Variants in PPP2R2C observed in about 807,000 individuals in gnomAD.
PPP2R2C encodes protein phosphatase 2, regulatory subunit B, gamma.
In PPP2R2C, 10 loss-of-function variants were observed where a neutral mutation model predicts 45.3. That is an observed-to-expected ratio of 0.22 (90% CI 0.14 to 0.37). The LOEUF (loss-of-function observed/expected upper bound fraction) is 0.37. PPP2R2C is among the 10% of genes least tolerant of loss of function. The pLI is 1.00. For missense variants in PPP2R2C, 308 were observed against 619.7 expected, an observed-to-expected ratio of 0.50 and a Z score of 5.34; for synonymous variants, 257 against 245.4, an observed-to-expected ratio of 1.05 and a Z score of -0.44.
chr4:6,390,882 A>C (rs931518463), intron 1 of PPP2R2C, among the ~76,000 whole-genome samples: 1 of 151,952 alleles, frequency 6.6e-6, no homozygotes, highest in African/African-American at 2.4e-5. Flanking sequence ...CCCACATTTC[A>C]TCACCACCCC....
chr4:6,459,073 T>C (rs768960777), intron 1 of PPP2R2C, among the ~76,000 whole-genome samples: 6 of 152,166 alleles, frequency 3.9e-5, no homozygotes, highest in Non-Finnish European at 8.8e-5. Context: ...AACAAAGCAC[T>C]TCAAAACTTA....
intron 1 of PPP2R2C, among the ~76,000 whole-genome samples, chr4:6,437,282 G>A (rs1272268994): frequency 6.6e-6 from 1 of 152,218 alleles, no homozygotes; most frequent in Non-Finnish European, 1.5e-5. Context: ...ACAAAGCTTG[G>A]TAAAGGGCTA....
chr4:6,494,989 T>G (rs1722829649), intron 2 of PPP2R2C, among the ~76,000 whole-genome samples: 1 of 152,196 alleles, frequency 6.6e-6, no homozygotes, highest in Admixed American at 6.5e-5. Context: ...CAGGGGAAGC[T>G]GTCCACGCAG....
chr4:6,524,662 G>T (rs569586550), intron 2 of PPP2R2C, among the ~76,000 whole-genome samples: 3 of 152,148 alleles, frequency 2.0e-5, no homozygotes, highest in African/African-American at 7.2e-5. Flanking sequence ...TGGTTGGGCC[G>T]AGCTTCACCT....
chr4:6,333,394 C>T (rs988135750), intron 7 of PPP2R2C, among the ~76,000 whole-genome samples, 168 bp downstream of exon 7: 6 of 152,266 alleles, frequency 3.9e-5, no homozygotes, highest in African/African-American at 1.4e-4. Context: ...CTCCTGCCCT[C>T]TGCCAAGCTA....
Position 6,472,285 on chromosome 4 carries a change from C to T in PPP2R2C, c.-56G>A, listed in dbSNP as rs1721942929. The T allele has an allele frequency of 2.5e-6, 4 of 1,603,522 alleles. No individual in the cohort carries two copies. The highest frequency in any genetic ancestry group is 3.4e-6 in the Non-Finnish European group (4 of 1,175,188). On this transcript the variant is annotated 5_prime_UTR_variant, in exon 1 of 9. Transcript: ENST00000382599. ...CCCGCCGCCACACACCGATGCAATCCGCAGAGGTCGCGCCGGGCGCGCGGG... is the reference window on the plus strand; with the variant it reads ...CCCGCCGCCACACACCGATGCAATCTGCAGAGGTCGCGCCGGGCGCGCGGG...
intron 5 of PPP2R2C, among the ~76,000 whole-genome samples, chr4:6,351,704 A>G (rs975708844): frequency 3.3e-5 from 5 of 152,138 alleles, no homozygotes; most frequent in Admixed American, 6.5e-5. Flanking sequence ...CAGGCCCTCC[A>G]CAACAGGGTC....
chr4:6,380,853 T>C (rs553972286), intron 2 of PPP2R2C, 144 bp downstream of exon 2: 13 of 1,293,068 alleles, frequency 1.0e-5, no homozygotes, highest in East Asian at 2.6e-5. Flanking sequence ...AAAAGCCCTC[T>C]TGTGGGTTGG....
chr4:6,489,782 G>A (rs531491939), intron 2 of PPP2R2C, among the ~76,000 whole-genome samples: 35 of 152,254 alleles, frequency 2.3e-4, no homozygotes, highest in Non-Finnish European at 4.1e-4. Context: ...GAGATTCACA[G>A]AGAAGCACCT....
intron 1 of PPP2R2C, among the ~76,000 whole-genome samples, chr4:6,388,970 A>C (rs1396943770): frequency 6.6e-6 from 1 of 151,430 alleles, no homozygotes; most frequent in Admixed American, 6.6e-5. Context: ...AGCCGGTGGC[A>C]CTTGCTGGCT....
intron 2 of PPP2R2C, among the ~76,000 whole-genome samples, chr4:6,491,055 C>T (rs1326736253): frequency 6.6e-6 from 1 of 152,180 alleles, no homozygotes; most frequent in Non-Finnish European, 1.5e-5. Context: ...CCCCAATGCT[C>T]CAGGGCCCTG....
At chr4:6,492,099 C>T (rs1722716545) in intron 2 of PPP2R2C, among the ~76,000 whole-genome samples, 1 of 152,136 alleles carries the variant, frequency 6.6e-6, no homozygotes, top group South Asian at 2.1e-4. Context: ...CCTAAATTAG[C>T]TTAGCAAAAA....
intron 1 of PPP2R2C, chr4:6,535,481 C>A: frequency 1.3e-6 from 1 of 772,306 alleles, no homozygotes; most frequent in Non-Finnish European, 2.0e-6. Context: ...CACGGCCGCC[C>A]TGGCCGCCGC....
Position 6,330,692 on chromosome 4 carries a change from C to A in PPP2R2C, c.961-1339G>T, listed in dbSNP as rs1011167363. Among the ~76,000 whole-genome samples the A allele has an allele frequency of 2.6e-5, 4 of 152,182 alleles. No individual in the cohort carries two copies. The highest frequency in any genetic ancestry group is 9.7e-5 in the African/African-American group (4 of 41,440). The stretch of plus-strand genomic sequence containing the variant: ...ATCTCCCTTCTTTCTCAGTCTCTAT[C>A]CCCATCCTGTTGGTTCTGTTTCTCT... On this transcript the variant is annotated intron_variant, in intron 7 of 8. Coordinates refer to ENST00000382599, the MANE Select transcript of PPP2R2C (RefSeq NM_020416.4). This position sits in a 1 kb window ranked among gnomAD's most constrained non-coding sequence, Gnocchi z 7.0.
At chr4:6,530,130 T>C (rs1410379981) in intron 2 of PPP2R2C, among the ~76,000 whole-genome samples, 2 of 152,168 alleles carry the variant, frequency 1.3e-5, no homozygotes, top group Non-Finnish European at 2.9e-5. Flanking sequence ...GGGTTTACTC[T>C]GGGCCAGGCT....
At chr4:6,377,486 C>T (rs1010409472) in intron 3 of PPP2R2C, among the ~76,000 whole-genome samples, 4 of 151,942 alleles carry the variant, frequency 2.6e-5, no homozygotes, top group Admixed American at 2.0e-4. Flanking sequence ...AGTGAAACCC[C>T]GTCTCTACTA....
intron 5 of PPP2R2C, chr4:6,348,776 T>G (rs1389054703): frequency 1.1e-6 from 1 of 875,002 alleles, no homozygotes; most frequent in Non-Finnish European, 1.4e-6. Flanking sequence ...GTGGAAAGAG[T>G]GCAGAGAAAG....
At chr4:6,546,336 C>G (rs1248354257) in intron 1 of PPP2R2C, among the ~76,000 whole-genome samples, 2 of 152,156 alleles carry the variant, frequency 1.3e-5, no homozygotes, top group Non-Finnish European at 2.9e-5. Flanking sequence ...CGTTGACACA[C>G]AGCATGTGCT....
intron 1 of PPP2R2C, among the ~76,000 whole-genome samples, chr4:6,398,916 G>A (rs1391832906): frequency 6.6e-6 from 1 of 152,094 alleles, no homozygotes; most frequent in African/African-American, 2.4e-5. Flanking sequence ...AAAGAAAAAG[G>A]AACAAATCAT....
Sources: gnomAD v4.1 joint callset for allele counts (sites outside exome capture counted in the v4.1 genomes callset) on GRCh38, gnomAD v4.1.1 for gene constraint, Gnocchi (gnomAD v3.1) non-coding constraint, MANE v1.5 for transcripts, NCBI Gene and HGNC (gene_info 2026-07-23, HGNC 2026-07-21) for gene names.